STXBP2: variants seen among roughly 807,000 people sequenced by gnomAD.
STXBP2 encodes syntaxin-binding protein 2.
Under a neutral mutation model 72.2 loss-of-function variants are expected in STXBP2, and 47 were observed. The ratio of observed to expected loss-of-function variants is 0.65; its 90% CI spans 0.51 to 0.83. The LOEUF (loss-of-function observed/expected upper bound fraction) is 0.83, where lower values mean the gene tolerates loss of function less well. Ranked by LOEUF, STXBP2 falls within the 40% of genes least tolerant of loss-of-function variation. The pLI is 0.00. For missense variants in STXBP2, 702 were observed against 807.6 expected (o/e 0.87, Z 1.58); for synonymous variants, 367 against 338.7 (o/e 1.08, Z -0.92).
chr19:7,640,514 A>G lies in STXBP2; in HGVS notation c.247-217A>G, dbSNP rs113027261. ...TGTGTGTGCATCTGTGTGTGTGTGC[A>G]TGTGTGCATGCGTGTGTATGTGTGT... On this transcript the variant is annotated intron_variant, in intron 4 of 18. Coordinates refer to ENST00000221283, the MANE Select transcript of STXBP2 (RefSeq NM_006949.4). The G allele has an allele frequency of 1.1e-3, 772 of 682,470 alleles. 10 individuals carry two copies. In the African/African-American group the frequency reaches 0.012, roughly 10 times the overall value. The allele number at this position is 682,470 out of a possible 1,614,324, so 42.3% of individuals were successfully genotyped here.
intron 4 of STXBP2, chr19:7,640,407 T>G: frequency 3.5e-6 from 2 of 575,806 alleles, no homozygotes; most frequent in Non-Finnish European, 6.2e-6. Flanking sequence ...TGTATATGTG[T>G]GTATGTATGT....
At chr19:7,646,945 T>C (rs1296879259) in intron 16 of STXBP2, 1 of 601,594 alleles carries the variant, frequency 1.7e-6, no homozygotes, top group Non-Finnish European at 2.9e-6. Flanking sequence ...CAAGGAGTTA[T>C]GGAATTAGAT....
chr19:7,630,794 C>T, the STXBP2 span: 12 of 1,537,208 alleles, frequency 7.8e-6, no homozygotes, highest in East Asian at 4.9e-5. Context: ...GCCTTTGGCT[C>T]GTGTCCCATT....
chr19:7,641,765 G>A lies in STXBP2; in HGVS notation c.490G>A (p.Glu164Lys), dbSNP rs1221287791. 6.4e-7 allele frequency: 1 copy of A among 1,552,280 alleles called. No individual in the cohort carries two copies. Among genetic ancestry groups the A allele is most frequent in the African/African-American group, 1.4e-5 (1 of 73,104 alleles). Reference sequence around the variant, plus strand: ...CCTCTACTGCCCCTTCCGGGCAGAGGAGCGCACGCGGCAGCTCGAGGTGCT... The same window carrying A: ...CCTCTACTGCCCCTTCCGGGCAGAGAAGCGCACGCGGCAGCTCGAGGTGCT... ...YNLYCPFRAE[E>K]RTRQLEVLAQ... is the part of the protein sequence containing the mutation. The change falls in exon 7 of 19, where the codon GAG becomes AAG. Residue 164 changes from glutamate to lysine, a missense_variant. Transcript: ENST00000221283.
intron 1 of STXBP2, among the ~76,000 whole-genome samples, chr19:7,637,765 C>G (rs2031614149): frequency 6.6e-6 from 1 of 152,220 alleles, no homozygotes; most frequent in African/African-American, 2.4e-5. Context: ...CCGGGGAGTT[C>G]CGGCCTCAGC....
rs201365133 is a variant in STXBP2, at chr19:7,643,057, G to A, written c.1026+9G>A. 24 of 1,614,072 alleles carry A rather than the reference G, an allele frequency of 1.5e-5. No homozygotes were observed. Among genetic ancestry groups the A allele is most frequent in the South Asian group, 3.3e-5 (3 of 91,090 alleles). On this transcript the variant is annotated intron_variant, in intron 12 of 18. Transcript: ENST00000221283. ...AGAAGGAGCTGAATAAGGTGTGCTC[G>A]GGTGGGCAGGGAGCGGGGACACCTC...
rs2146234216 is a variant in STXBP2, at chr19:7,647,515, A to G, written c.1696+4A>G. On this transcript the variant is annotated splice_donor_region_variant and intron_variant, in intron 18 of 18. Coordinates refer to ENST00000221283, the MANE Select transcript of STXBP2 (RefSeq NM_006949.4). The stretch of plus-strand genomic sequence containing the variant: ...GGCAAGTGGGAGGTGCTCATTGGTA[A>G]GTCACCAGGACTGGGACCCTGGGGT... The G allele has an allele frequency of 1.3e-6, 2 of 1,590,634 alleles. No homozygotes were observed. Among genetic ancestry groups the G allele is most frequent in the East Asian group, 4.6e-5 (2 of 43,230 alleles).
At chr19:7,639,940 A>ATGTGTGTGTGCATC (rs757894183) in intron 4 of STXBP2, 133 bp downstream of exon 4, 1 of 793,350 alleles carries the variant, frequency 1.3e-6, no homozygotes, top group African/African-American at 2.6e-5. Flanking sequence ...ATGTGTGTGC[A>ATGTGTGTGTGCATC]TGTGTGTGCA....
chr19:7,646,201 G>T (rs1426334299), intron 15 of STXBP2, 48 bp from the exon 16 acceptor site: 1 of 1,527,034 alleles, frequency 6.5e-7, no homozygotes, highest in African/African-American at 1.4e-5. Context: ...TCTGTGACCA[G>T]CCTCCTTCCC....
In STXBP2 at chr19:7,640,726, C is replaced by T. The variant is rs570309163; in HGVS notation, c.247-5C>T. 4 of 1,614,192 alleles carry T rather than the reference C, an allele frequency of 2.5e-6. No homozygotes were observed. In the South Asian group the frequency reaches 4.4e-5, roughly 18 times the overall value. On this transcript the variant is annotated splice_polypyrimidine_tract_variant and splice_region_variant and intron_variant, in intron 4 of 18. Transcript: ENST00000221283. ...CAGGCCCAGAGAGTGATCCACCTTC[C>T]CCAGTCGGTTCAGGCCCTGATCAAA... is the stretch of plus-strand genomic sequence containing the variant.
upstream of STXBP2, among the ~76,000 whole-genome samples, chr19:7,635,791 C>T (rs2031506172): frequency 1.3e-5 from 2 of 152,186 alleles, no homozygotes; most frequent in South Asian, 4.1e-4. Context: ...CAAACTCCTA[C>T]CTACGGTTGC....
chr19:7,639,998 G>C (rs1327136170), intron 4 of STXBP2, 191 bp downstream of exon 4: 1 of 712,432 alleles, frequency 1.4e-6, no homozygotes, highest in Non-Finnish European at 2.5e-6. Context: ...TTGCATGTGT[G>C]TCTATGTATG....
intron 13 of STXBP2, 73 bp downstream of exon 13, chr19:7,643,318 A>G: frequency 7.8e-7 from 1 of 1,276,602 alleles, no homozygotes; most frequent in Non-Finnish European, 1.1e-6. Flanking sequence ...GCTGAACTGT[A>G]GAGATGGGGG....
Position 7,640,146 on chromosome 19 carries a change from CTGTGTGCATCTGTATGTGTG to C in STXBP2, c.246+347_246+366del, listed in dbSNP as rs1211875279. 3 of 516,146 alleles carry C rather than the reference CTGTGTGCATCTGTATGTGTG, an allele frequency of 5.8e-6. No individual in the cohort carries two copies. In the East Asian group the frequency reaches 1.3e-4, roughly 22 times the overall value. The allele number at this position is 516,146 out of a possible 1,614,324, so 32.0% of individuals were successfully genotyped here. On this transcript the variant is annotated intron_variant, in intron 4 of 18. Coordinates refer to ENST00000221283, the MANE Select transcript of STXBP2 (RefSeq NM_006949.4). ...CGTGTGTATGTATGTGTGTGTGCAT[CTGTGTGCATCTGTATGTGTG>C]TGTGTGCGTCTGTCTGTGTGCATGT...
upstream of STXBP2, chr19:7,636,631 T>C (rs1230901061): frequency 6.7e-6 from 1 of 149,908 alleles, no homozygotes; most frequent in Non-Finnish European, 1.5e-5. Flanking sequence ...TGAATGAAAA[T>C]TATGTCCAGG....
At chr19:7,637,322 A>T (rs1442602789) in intron 1 of STXBP2, 136 bp downstream of exon 1, 140 of 135,448 alleles carry the variant, frequency 1.0e-3, no homozygotes, top group East Asian at 3.1e-3. Context: ...CTGACCCTCG[A>T]GGGGGCGGGC....
At chr19:7,638,652 A>G in intron 1 of STXBP2, 74 bp from the exon 2 acceptor site, 1 of 1,522,414 alleles carries the variant, frequency 6.6e-7, no homozygotes, top group Non-Finnish European at 9.1e-7. Context: ...GTTCAGCCCC[A>G]AGGCTGAGAA....
chr19:7,641,957 G>A, intron 7 of STXBP2, 77 bp from the exon 8 acceptor site: 1 of 1,606,490 alleles, frequency 6.2e-7, no homozygotes, highest in Non-Finnish European at 8.5e-7. Flanking sequence ...CCCTACCCTG[G>A]CCCCTGACTC....
chr19:7,631,358 C>T, the STXBP2 span: 4 of 1,359,272 alleles, frequency 2.9e-6, no homozygotes, highest in Admixed American at 6.2e-5. Flanking sequence ...GACACTGAAC[C>T]CTGAAGCCGT....
Sources: gnomAD v4.1 joint callset for allele counts (sites outside exome capture counted in the v4.1 genomes callset) on GRCh38, gnomAD v4.1.1 for gene constraint, MANE v1.5 for transcripts, NCBI Gene and HGNC (gene_info 2026-07-23, HGNC 2026-07-21) for gene names.